The following SH2D4A variants were observed in gnomAD, a reference collection of about 807,000 sequenced individuals.
SH2D4A encodes SH2 domain containing 4A, also known as SH2 domain-containing protein 4A.
SH2D4A carries 70 observed loss-of-function variants against 64.7 expected under a neutral mutation model. The observed-to-expected ratio is 1.08, with a 90% CI of 0.89 to 1.32. The LOEUF (loss-of-function observed/expected upper bound fraction) is 1.32. Ranked by LOEUF, SH2D4A falls within the 40% of genes most tolerant of loss-of-function variation. The pLI is 0.00. For synonymous variants in SH2D4A, 268 were observed against 200.7 expected (o/e 1.34, Z -2.83); for missense variants, 706 against 540.1 (o/e 1.31, Z -3.04).
chr8:19,362,006 T>C (rs1321107177), intron 6 of SH2D4A, among the ~76,000 whole-genome samples: 2 of 152,178 alleles, frequency 1.3e-5, no homozygotes, highest in Non-Finnish European at 2.9e-5. Context: ...GAGAGGATGC[T>C]CCAGAATGCT....
rs1401430311 is a variant in SH2D4A at position 19,361,250 on chromosome 8, A to C, written c.642A>C (p.Ile214=). ...AACAAGATGAAGAAATAAATCAAAT[A>C]GAAGAAGAGAGAACGAAGCAGATTT... ...KKKQDEEINQ[I]EEERTKQICK... The change falls in exon 6 of 10, where the codon ATA becomes ATC. Residue 214 remains isoleucine (I), a synonymous_variant. Coordinates refer to ENST00000265807, the MANE Select transcript of SH2D4A (RefSeq NM_022071.4). 2 of 1,605,320 alleles carry C rather than the reference A, an allele frequency of 1.2e-6. No homozygotes were observed. Among genetic ancestry groups the C allele is most frequent in the Admixed American group, 3.4e-5 (2 of 59,328 alleles).
intron 4 of SH2D4A, among the ~76,000 whole-genome samples, chr8:19,353,965 T>G (rs2117263248): frequency 6.6e-6 from 1 of 151,404 alleles, no homozygotes; most frequent in East Asian, 1.9e-4. Flanking sequence ...AATAGAAGGA[T>G]TCATCTCTCG....
chr8:19,336,679 G>T (rs1459296063), intron 4 of SH2D4A, among the ~76,000 whole-genome samples: 1 of 151,968 alleles, frequency 6.6e-6, no homozygotes, highest in African/African-American at 2.4e-5. Context: ...ATCCTGCAGA[G>T]ACAGTGAGAC....
At position 19,394,651 on chromosome 8, in the gene SH2D4A, A is replaced by G. The variant is rs1157279593; in HGVS notation, c.*9A>G. On this transcript the variant is annotated 3_prime_UTR_variant, in exon 10 of 10. Transcript: ENST00000265807. ...TGGAGCTGTTTGAGTGACAGCCTCC[A>G]TCAGGGTCATCCTACAGCCTCCAAG... 1 of 1,598,314 alleles carries G rather than the reference A, an allele frequency of 6.3e-7. No individual in the cohort carries two copies. The highest frequency in any genetic ancestry group is 1.1e-5 in the South Asian group (1 of 89,214).
At chr8:19,351,447 CA>C (rs2052703309) in intron 4 of SH2D4A, among the ~76,000 whole-genome samples, 1 of 151,858 alleles carries the variant, frequency 6.6e-6, no homozygotes, top group Non-Finnish European at 1.5e-5. Context: ...ATTAAAAATA[CA>C]AAAAATTAGC....
intron 8 of SH2D4A, among the ~76,000 whole-genome samples, chr8:19,374,666 C>T (rs536891632): frequency 6.6e-6 from 1 of 152,180 alleles, no homozygotes; most frequent in Non-Finnish European, 1.5e-5. Flanking sequence ...TGTCTGGCGT[C>T]TCTTGGAAGT....
At chr8:19,350,745 A>T (rs1285979933) in intron 4 of SH2D4A, among the ~76,000 whole-genome samples, 1 of 152,148 alleles carries the variant, frequency 6.6e-6, no homozygotes, top group Non-Finnish European at 1.5e-5. Context: ...GGCCTCCCAA[A>T]GTGCTGGGAT....
intron 4 of SH2D4A, among the ~76,000 whole-genome samples, chr8:19,344,185 A>G (rs2117238008): frequency 6.6e-6 from 1 of 152,290 alleles, no homozygotes; most frequent in African/African-American, 2.4e-5. Flanking sequence ...TCAGGTGGGA[A>G]GTCTGACATA....
chr8:19,329,362 C>T (rs2052335154), intron 2 of SH2D4A, among the ~76,000 whole-genome samples: 1 of 152,150 alleles, frequency 6.6e-6, no homozygotes, highest in African/African-American at 2.4e-5. Flanking sequence ...CCCATAGCAT[C>T]CTTTAACACC....
At chr8:19,340,990 A>T (rs114363973) in intron 4 of SH2D4A, among the ~76,000 whole-genome samples, 6,683 of 152,264 alleles carry the variant, frequency 0.044, 237 homozygotes, top group South Asian at 0.093. Context: ...AAACAATACA[A>T]TACCATTTCT....
chr8:19,333,073 G>T lies in SH2D4A; in HGVS notation c.300G>T (p.Glu100Asp). 6.2e-7 allele frequency: 1 copy of T among 1,613,976 alleles called. No homozygotes were observed. Among genetic ancestry groups the T allele is most frequent in the Non-Finnish European group, 8.5e-7 (1 of 1,179,996 alleles). The change falls in exon 3 of 10, where the codon GAG (glutamate) becomes GAT (aspartate). Residue 100 changes from glutamate (E) to aspartate (D), a missense_variant. Glu to Asp is a conservative substitution (Grantham distance 45). Transcript: ENST00000265807. ...TGCTCTGTAATGAAATTATTGCTGA[G>T]AGGGCCCGGCTGAAAGCAGAACAGG... Reference protein sequence around the residue: ...YDVLCNEIIAERARLKAEQEA... With the variant: ...YDVLCNEIIADRARLKAEQEA...
At chr8:19,353,673 T>TG (rs1451761849) in intron 4 of SH2D4A, among the ~76,000 whole-genome samples, 1 of 118,740 alleles carries the variant, frequency 8.4e-6, no homozygotes, top group Non-Finnish European at 1.9e-5. Context: ...GGCCTCTAGC[T>TG]GTTTTTTTTT....
chr8:19,336,429 G>T (rs911370014), intron 4 of SH2D4A, among the ~76,000 whole-genome samples: 2 of 152,020 alleles, frequency 1.3e-5, no homozygotes, highest in Non-Finnish European at 2.9e-5. Context: ...TCCTCATTGA[G>T]GCCTCCCGTC....
intron 7 of SH2D4A, among the ~76,000 whole-genome samples, chr8:19,369,682 C>T (rs920049500): frequency 6.6e-6 from 1 of 151,900 alleles, no homozygotes; most frequent in Non-Finnish European, 1.5e-5. Context: ...TGTGATGTCT[C>T]CTTTTTCATC....
At chr8:19,342,448 C>A (rs770127045) in intron 4 of SH2D4A, among the ~76,000 whole-genome samples, 1 of 152,162 alleles carries the variant, frequency 6.6e-6, no homozygotes, top group Non-Finnish European at 1.5e-5. Context: ...TAGCTGGGAG[C>A]TTGGATGCTA....
intron 8 of SH2D4A, among the ~76,000 whole-genome samples, chr8:19,386,778 CA>C (rs2053400507): frequency 6.6e-6 from 1 of 152,166 alleles, no homozygotes; most frequent in East Asian, 1.9e-4. Flanking sequence ...CATTTGTTAT[CA>C]CATGCTTTTT....
intron 7 of SH2D4A, among the ~76,000 whole-genome samples, chr8:19,369,912 T>A (rs1220388664): frequency 6.6e-6 from 1 of 152,102 alleles, no homozygotes; most frequent in African/African-American, 2.4e-5. Flanking sequence ...AATTACTTAT[T>A]TGATATCTTT....
chr8:19,350,772 C>T (rs536069648), intron 4 of SH2D4A, among the ~76,000 whole-genome samples: 1 of 152,196 alleles, frequency 6.6e-6, no homozygotes, highest in South Asian at 2.1e-4. Flanking sequence ...TCTGAGCCAC[C>T]GCAGCAGCCG....
chr8:19,334,907 A>G, intron 4 of SH2D4A, 50 bp downstream of exon 4: 3 of 1,541,854 alleles, frequency 1.9e-6, no homozygotes, highest in Middle Eastern at 2.0e-4. Flanking sequence ...TGGGGGAGAA[A>G]AAGCTATTGA....
Sources: allele counts gnomAD v4.1 joint callset (sites outside exome capture counted in the v4.1 genomes callset), GRCh38; gene constraint gnomAD v4.1.1; transcripts MANE v1.5; gene names NCBI Gene and HGNC (gene_info 2026-07-23, HGNC 2026-07-21).